The following NELL1 variants were observed in gnomAD, a reference collection of about 807,000 sequenced individuals.
The protein encoded by NELL1 is protein kinase C-binding protein NELL1.
Under a neutral mutation model 107.4 loss-of-function variants are expected in NELL1, and 76 were observed. That is an observed-to-expected ratio of 0.71 (90% CI 0.59 to 0.86). The LOEUF (loss-of-function observed/expected upper bound fraction) is 0.86, where lower values mean the gene tolerates loss of function less well. NELL1 is among the 40% of genes least tolerant of loss of function. The probability of loss-of-function intolerance (pLI) is 0.00; values close to 1 mark genes in which losing one functional copy is unlikely to be tolerated. For synonymous variants in NELL1, 353 were observed against 341.2 expected (o/e 1.03, Z -0.38); for missense variants, 1,024 against 1,005.5 (o/e 1.02, Z -0.25).
chr11:20,692,417 G>A (rs1590209220), intron 2 of NELL1, among the ~76,000 whole-genome samples: 1 of 151,614 alleles, frequency 6.6e-6, no homozygotes, highest in East Asian at 1.9e-4. Flanking sequence ...TCTCTTGTGG[G>A]CATTTAGTGC....
At chr11:20,984,149 T>C (rs1281617483) in intron 12 of NELL1, among the ~76,000 whole-genome samples, 1 of 152,228 alleles carries the variant, frequency 6.6e-6, no homozygotes, top group Non-Finnish European at 1.5e-5. Flanking sequence ...TCTCCTTTTT[T>C]GTACCCTCAC....
intron 3 of NELL1, among the ~76,000 whole-genome samples, chr11:20,844,935 C>T (rs1355172845): frequency 1.3e-5 from 2 of 152,208 alleles, no homozygotes; most frequent in African/African-American, 4.8e-5. Flanking sequence ...CCCATCAGGC[C>T]AAATGACTTT....
chr11:21,520,146 A>G (rs993454184), intron 15 of NELL1, among the ~76,000 whole-genome samples: 39 of 152,134 alleles, frequency 2.6e-4, no homozygotes, highest in African/African-American at 8.9e-4. Context: ...ATCTCACAAT[A>G]TGCCGTAGGA....
intron 5 of NELL1, among the ~76,000 whole-genome samples, chr11:20,890,363 C>T (rs1410370262): frequency 6.6e-6 from 1 of 152,134 alleles, no homozygotes; most frequent in African/African-American, 2.4e-5. Flanking sequence ...CAAAGGTCAG[C>T]AGCCTCAAAG....
intron 12 of NELL1, among the ~76,000 whole-genome samples, chr11:20,995,673 T>A (rs72943171): frequency 0.19 from 28,214 of 152,212 alleles, 2,823 homozygotes; most frequent in South Asian, 0.3. Context: ...CCTTTGTTAT[T>A]TCCCTTCAAC....
intron 13 of NELL1, among the ~76,000 whole-genome samples, chr11:21,220,294 G>A: frequency 6.6e-6 from 1 of 152,140 alleles, no homozygotes; most frequent in East Asian, 1.9e-4. Flanking sequence ...CAGGTAGTGT[G>A]ATGTCTTCAG....
At chr11:21,562,710 G>T (rs1307891805) in intron 17 of NELL1, among the ~76,000 whole-genome samples, 1 of 152,008 alleles carries the variant, frequency 6.6e-6, no homozygotes, top group Non-Finnish European at 1.5e-5. Flanking sequence ...TCAAGGTTGG[G>T]ATATAAAGTA....
chr11:21,535,577 C>CA (rs1856116354), intron 16 of NELL1, among the ~76,000 whole-genome samples: 1 of 152,110 alleles, frequency 6.6e-6, no homozygotes, highest in East Asian at 1.9e-4. Context: ...TGTTGAGAGG[C>CA]ATGCAGTATA....
intron 4 of NELL1, among the ~76,000 whole-genome samples, chr11:20,868,480 A>T (rs1470227392): frequency 2.0e-5 from 3 of 152,204 alleles, no homozygotes; most frequent in Admixed American, 2.0e-4. Flanking sequence ...ATTGCATAAC[A>T]TTGTGAATGT....
At chr11:20,871,893 C>A (rs1849206048) in intron 4 of NELL1, among the ~76,000 whole-genome samples, 1 of 151,408 alleles carries the variant, frequency 6.6e-6, no homozygotes, top group African/African-American at 2.4e-5. Flanking sequence ...GTGGCAGGTG[C>A]CTGTAGTCCC....
At chr11:21,382,407 GTTACA>G (rs1487148855) in intron 15 of NELL1, among the ~76,000 whole-genome samples, 2 of 151,786 alleles carry the variant, frequency 1.3e-5, no homozygotes, top group Non-Finnish European at 2.9e-5. Flanking sequence ...TTTATATCTT[GTTACA>G]TTACATTTGA....
chr11:20,946,549 C>T (rs1438243202), intron 10 of NELL1, among the ~76,000 whole-genome samples: 1 of 152,146 alleles, frequency 6.6e-6, no homozygotes, highest in East Asian at 1.9e-4. Context: ...TAGGGAAAAT[C>T]TAATGCTCAG....
chr11:21,443,176 A>G (rs1215623784), intron 15 of NELL1, among the ~76,000 whole-genome samples: 2 of 152,058 alleles, frequency 1.3e-5, no homozygotes, highest in Non-Finnish European at 2.9e-5. Context: ...TGTAGGTCAA[A>G]GGGAGAAAAA....
Position 20,965,480 on chromosome 11 carries a change from C to T in NELL1, c.1300+4920C>T, listed in dbSNP as rs962638701. On this transcript the variant is annotated intron_variant, in intron 12 of 19. Transcript: ENST00000357134. ...AATTGGCAGGTAGCAGGGGAGAATA[C>T]ATTTAGATGGAAGGACTAGGGTTCA... Among the ~76,000 whole-genome samples the T allele has an allele frequency of 9.2e-5, 14 of 152,098 alleles. No individual in the cohort carries two copies. The South Asian group carries it at 1.2e-3, about 13-fold the overall frequency.
At chr11:21,280,159 A>G (rs760419598) in intron 14 of NELL1, among the ~76,000 whole-genome samples, 2 of 152,176 alleles carry the variant, frequency 1.3e-5, no homozygotes, top group Non-Finnish European at 2.9e-5. Flanking sequence ...CATTGGTCCA[A>G]ACCTGTACAA....
At position 20,833,570 on chromosome 11, in the gene NELL1, C is replaced by T. The variant is rs1858058963; in HGVS notation, c.336-14013C>T. Among the ~76,000 whole-genome samples the T allele has an allele frequency of 5.3e-5, 8 of 152,228 alleles. No homozygotes were observed. The South Asian group carries it at 1.7e-3, about 32-fold the overall frequency. On this transcript the variant is annotated intron_variant, in intron 3 of 19. Transcript: ENST00000357134. ...CATGGTGAGAAAAACAGATATAGTC[C>T]ATGTGTTCCTAAAGCTTATCCAGTG...
At chr11:21,546,464 A>G (rs938787519) in intron 16 of NELL1, among the ~76,000 whole-genome samples, 1 of 151,990 alleles carries the variant, frequency 6.6e-6, no homozygotes, top group East Asian at 1.9e-4. Flanking sequence ...TGTAGCTTCA[A>G]TAATCCCCAT....
At chr11:20,931,907 G>GA (rs397742134) in intron 9 of NELL1, among the ~76,000 whole-genome samples, 2 of 151,606 alleles carry the variant, frequency 1.3e-5, no homozygotes, top group Non-Finnish European at 2.9e-5. Context: ...CCAGGTAAAG[G>GA]TAGGGCTATG....
intron 5 of NELL1, among the ~76,000 whole-genome samples, chr11:20,915,717 A>ATATATATATATATATT: frequency 5.2e-5 from 3 of 58,216 alleles, no homozygotes; most frequent in Admixed American, 2.1e-4. Flanking sequence ...ATATATATAT[A>ATATATATATATATATT]TTTTTTTTTT....
Sources: allele counts gnomAD v4.1 joint callset (sites outside exome capture counted in the v4.1 genomes callset), GRCh38; gene constraint gnomAD v4.1.1; transcripts MANE v1.5; gene names NCBI Gene and HGNC (gene_info 2026-07-23, HGNC 2026-07-21).